Variants in R3HDM2 observed in about 807,000 individuals in gnomAD.
The protein encoded by R3HDM2 is R3H domain-containing protein 2.
Under a neutral mutation model 124.5 loss-of-function variants are expected in R3HDM2, and 38 were observed. The observed-to-expected ratio is 0.31, with a 90% confidence interval of 0.24 to 0.40. The LOEUF (loss-of-function observed/expected upper bound fraction) is 0.40, where lower values mean the gene tolerates loss of function less well. Among genes scored for constraint, R3HDM2 ranks in the 10% least tolerant of loss-of-function variants. R3HDM2 has a pLI of 1.00. For missense variants in R3HDM2, 869 were observed against 1,236.9 expected, an observed-to-expected ratio of 0.70 and a Z score of 4.46; for synonymous variants, 391 against 448.0, an observed-to-expected ratio of 0.87 and a Z score of 1.61.
chr12:57,430,599 G>C lies in R3HDM2; in HGVS notation c.-106+121C>G, dbSNP rs901757808. ...ACCCTGACCCATCGTCCCCGGGACC[G>C]GCTGCCGGGCGCGAGGAACCCAGGC... is the stretch of plus-strand genomic sequence containing the variant. On this transcript the variant is annotated intron_variant, in intron 1 of 23. Coordinates refer to ENST00000402412, the MANE Select transcript of R3HDM2 (RefSeq NM_001394031.1). 1.3e-4 allele frequency: 129 copies of C among 984,500 alleles called. 1 individual carries two copies. Among genetic ancestry groups the C allele is most frequent in the Non-Finnish European group, 4.0e-5 (33 of 829,590 alleles). 61.0% of individuals were successfully genotyped at this position (984,500 alleles called of 1,614,324 possible). A position where few individuals can be genotyped will look rare whatever the true frequency, so the allele number is the denominator to read the frequency against.
At chr12:57,336,729 G>A (rs1320563728) in intron 2 of R3HDM2, among the ~76,000 whole-genome samples, 1 of 151,608 alleles carries the variant, frequency 6.6e-6, no homozygotes, top group Admixed American at 6.6e-5. Flanking sequence ...GCTTAACACT[G>A]GTGGCAAAAT....
At chr12:57,255,907 C>T in intron 23 of R3HDM2, 83 bp downstream of exon 23, 1 of 1,279,934 alleles carries the variant, frequency 7.8e-7, no homozygotes, top group Non-Finnish European at 1.1e-6. Context: ...CCTAAGCTGG[C>T]TTTTCCCACC....
Position 57,268,470 on chromosome 12 carries a change from G to C in R3HDM2, c.1876-13C>G, listed in dbSNP as rs375121494. The C allele has an allele frequency of 7.4e-6, 12 of 1,613,520 alleles. No homozygotes were observed. Among genetic ancestry groups the C allele is most frequent in the Non-Finnish European group, 9.3e-6 (11 of 1,179,720 alleles). On this transcript the variant is annotated splice_polypyrimidine_tract_variant and intron_variant, in intron 17 of 23. Coordinates refer to ENST00000402412, the MANE Select transcript of R3HDM2 (RefSeq NM_001394031.1). ...TACCCACTGGAACCTGGGTGAGAAAGAGAAGAGAAAGAATCACATTCGCAT... is the reference window on the plus strand; with the variant it reads ...TACCCACTGGAACCTGGGTGAGAAACAGAAGAGAAAGAATCACATTCGCAT...
intron 4 of R3HDM2, among the ~76,000 whole-genome samples, chr12:57,300,915 C>CA (rs1370960467): frequency 3.9e-5 from 6 of 151,966 alleles, no homozygotes; most frequent in Non-Finnish European, 8.8e-5. Context: ...GTCTGGGCAA[C>CA]ATAGTGAGAC....
intron 3 of R3HDM2, among the ~76,000 whole-genome samples, chr12:57,306,468 G>A (rs1468712776): frequency 6.6e-6 from 1 of 151,880 alleles, no homozygotes; most frequent in Non-Finnish European, 1.5e-5. Flanking sequence ...GAGTGCAGTG[G>A]TGTGATCTCG....
chr12:57,318,187 G>C (rs1055577244), intron 2 of R3HDM2, among the ~76,000 whole-genome samples: 6 of 151,480 alleles, frequency 4.0e-5, no homozygotes, highest in African/African-American at 1.5e-4. Context: ...AGCTACTTGG[G>C]GGGCTGAGGC....
intron 2 of R3HDM2, among the ~76,000 whole-genome samples, chr12:57,352,172 G>A (rs561168236): frequency 6.7e-6 from 1 of 150,102 alleles, no homozygotes; most frequent in African/African-American, 2.4e-5. Context: ...AACCCAAGAG[G>A]TGGAGGTTGC....
intron 18 of R3HDM2, among the ~76,000 whole-genome samples, chr12:57,267,539 G>A (rs926931269): frequency 2.6e-5 from 4 of 152,168 alleles, no homozygotes; most frequent in Non-Finnish European, 4.4e-5. Context: ...GGTAACAAGA[G>A]CAAGACTCCA....
intron 2 of R3HDM2, among the ~76,000 whole-genome samples, chr12:57,348,812 G>A (rs961592263): frequency 6.6e-6 from 1 of 151,888 alleles, no homozygotes; most frequent in African/African-American, 2.4e-5. Context: ...GAGCCCAGGA[G>A]GTTGAGGCTG....
intron 2 of R3HDM2, among the ~76,000 whole-genome samples, chr12:57,319,376 GTTC>G (rs919107414): frequency 1.3e-5 from 2 of 152,016 alleles, no homozygotes; most frequent in African/African-American, 2.4e-5. Flanking sequence ...CCATAATTAG[GTTC>G]TTAACTCATT....
In R3HDM2 at chr12:57,296,345, C is replaced by T; in HGVS notation, c.701+66G>A. The T allele has an allele frequency of 6.6e-6, 10 of 1,521,990 alleles. No individual in the cohort carries two copies. Among genetic ancestry groups the T allele is most frequent in the African/African-American group, 1.4e-5 (1 of 72,546 alleles). 94.3% of individuals were successfully genotyped at this position (1,521,990 alleles called of 1,614,324 possible). A position where few individuals can be genotyped will look rare whatever the true frequency, so the allele number is the denominator to read the frequency against. ...CTGCAAGAGACATCCTGATCCTACA[C>T]CTTCCTCTTCCAACCCAGCAGGTTA... is the stretch of plus-strand genomic sequence containing the variant. On this transcript the variant is annotated intron_variant, in intron 9 of 23. Transcript: ENST00000402412. This position sits in a 1 kb window ranked among gnomAD's most constrained non-coding sequence, Gnocchi z 4.5.
At chr12:57,299,718 G>T (rs1239285513) in intron 5 of R3HDM2, among the ~76,000 whole-genome samples, 1 of 152,174 alleles carries the variant, frequency 6.6e-6, no homozygotes. Context: ...CTTGGCACAG[G>T]TATTGAATGG....
chr12:57,292,453 G>A (rs1592842116), intron 11 of R3HDM2, 119 bp downstream of exon 11: 3 of 676,782 alleles, frequency 4.4e-6, no homozygotes, highest in Middle Eastern at 2.9e-4. Context: ...GGCTGATGTT[G>A]GTTAAAATAA....
intron 19 of R3HDM2, among the ~76,000 whole-genome samples, chr12:57,260,570 G>A (rs1477683641): frequency 6.6e-6 from 1 of 152,122 alleles, no homozygotes; most frequent in Non-Finnish European, 1.5e-5. Context: ...GGAGGGATGG[G>A]CTGGAGCTCT....
intron 2 of R3HDM2, among the ~76,000 whole-genome samples, chr12:57,362,253 C>G (rs1311061964): frequency 6.6e-6 from 1 of 152,226 alleles, no homozygotes; most frequent in African/African-American, 2.4e-5. Flanking sequence ...AGACCAACCC[C>G]TCTTCTTCCT....
rs1010921141 is a variant in R3HDM2, at chr12:57,382,768, G to A, written c.-36+12981C>T. ...GGAGAATGGCTTGAACCCAGGAGGC[G>A]GAGCTTGCAGTGAGCTGAGATCATG... On this transcript the variant is annotated intron_variant, in intron 2 of 23. Transcript: ENST00000402412. Among the ~76,000 whole-genome samples, 12 of 151,790 alleles carry A rather than the reference G, an allele frequency of 7.9e-5. No homozygotes were observed. In the East Asian group the frequency reaches 1.6e-3, roughly 20 times the overall value.
At chr12:57,317,557 A>T (rs1020557479) in intron 2 of R3HDM2, among the ~76,000 whole-genome samples, 1 of 147,556 alleles carries the variant, frequency 6.8e-6, no homozygotes, top group African/African-American at 2.5e-5. Flanking sequence ...ACTTCCTGAT[A>T]TGTGAAGTTA....
chr12:57,390,846 A>G (rs1444953992), intron 2 of R3HDM2, among the ~76,000 whole-genome samples: 1 of 152,088 alleles, frequency 6.6e-6, no homozygotes, highest in Non-Finnish European at 1.5e-5. Flanking sequence ...CCCTGTCTCT[A>G]CTAAAAATAC....
In R3HDM2 at chr12:57,254,162, G is replaced by A. The variant is rs756830455; in HGVS notation, c.*611C>T. On this transcript the variant is annotated 3_prime_UTR_variant, in exon 24 of 24. Transcript: ENST00000402412. ...TCCCAATTCTACCTGACCAAAAAAT[G>A]AGAAATTAATTTTATGATAGGAGAA... 1 of 456,160 alleles carries A rather than the reference G, an allele frequency of 2.2e-6. No homozygotes were observed. The highest frequency in any genetic ancestry group is 2.4e-5 in the Admixed American group (1 of 42,522). 28.3% of individuals were successfully genotyped at this position (456,160 alleles called of 1,614,324 possible).
Sources: allele counts gnomAD v4.1 joint callset (sites outside exome capture counted in the v4.1 genomes callset), GRCh38; gene constraint gnomAD v4.1.1; non-coding constraint Gnocchi (gnomAD v3.1); transcripts MANE v1.5; gene names NCBI Gene and HGNC (gene_info 2026-07-23, HGNC 2026-07-21).